The following DZIP1 variants were observed in gnomAD, a reference collection of about 807,000 sequenced individuals.
The protein encoded by DZIP1 is DAZ interacting zinc finger protein 1.
In DZIP1, 97 loss-of-function variants were observed where a neutral mutation model predicts 107.6. The ratio of observed to expected loss-of-function variants is 0.90; its 90% confidence interval spans 0.77 to 1.07. DZIP1 has a LOEUF of 1.07. DZIP1 is among the 50% of genes least tolerant of loss of function. The pLI is 0.00. For synonymous variants in DZIP1, 390 were observed against 386.4 expected, an observed-to-expected ratio of 1.01 and a Z score of -0.11; for missense variants, 1,035 against 1,063.6, an observed-to-expected ratio of 0.97 and a Z score of 0.37.
chr13:95,626,649 A>G (rs1438470419), intron 7 of DZIP1, among the ~76,000 whole-genome samples: 1 of 152,230 alleles, frequency 6.6e-6, no homozygotes, highest in Non-Finnish European at 1.5e-5. Flanking sequence ...AGAAACGACT[A>G]AAGTAATAAA....
intron 16 of DZIP1, among the ~76,000 whole-genome samples, chr13:95,591,670 T>C (rs2044316250): frequency 6.6e-6 from 1 of 152,194 alleles, no homozygotes; most frequent in Non-Finnish European, 1.5e-5. Context: ...ATAATCTAAA[T>C]TAGAGAGCTC....
Position 95,587,685 on chromosome 13 carries a change from AG to A in DZIP1, c.2071del (p.Leu691SerfsTer27). 1 of 1,614,062 alleles carries A rather than the reference AG, an allele frequency of 6.2e-7. No individual in the cohort carries two copies. Among genetic ancestry groups the A allele is most frequent in the Non-Finnish European group, 8.5e-7 (1 of 1,179,994 alleles). ...SSEEEQEDDD[L>X]IRAYASPGPL... is the part of the protein sequence containing the mutation. ...GCCTGGGGATGCGTATGCCCGGATG[AG>A]GTCGTCGTCCTCCTGCTCCTCCTCT... On this transcript the variant is annotated frameshift_variant, in exon 20 of 23. Transcript: ENST00000376829. LOFTEE classifies it high-confidence loss of function.
rs991946224 is a variant in DZIP1 at position 95,630,714 on chromosome 13, A to C, written c.686-601T>G. 3 of 1,255,708 alleles carry C rather than the reference A, an allele frequency of 2.4e-6. No individual in the cohort carries two copies. In the African/African-American group the frequency reaches 4.7e-5, roughly 20 times the overall value. 77.8% of individuals were successfully genotyped at this position (1,255,708 alleles called of 1,614,324 possible). On this transcript the variant is annotated intron_variant, in intron 6 of 22. Coordinates refer to ENST00000376829, the MANE Select transcript of DZIP1 (RefSeq NM_198968.4). ...AGAATACTTATGTACATGTACTTAC[A>C]TGCAGATGTACACATGACTGAATGG... is the stretch of plus-strand genomic sequence containing the variant.
At chr13:95,599,529 C>T (rs2044553353) in intron 14 of DZIP1, 105 bp from the exon 15 acceptor site, 3 of 1,027,830 alleles carry the variant, frequency 2.9e-6, no homozygotes, top group South Asian at 1.4e-5. Flanking sequence ...GTATTTTAGT[C>T]ATGCCTGAAT....
chr13:95,615,558 C>T (rs890870733), intron 10 of DZIP1, among the ~76,000 whole-genome samples: 6 of 152,186 alleles, frequency 3.9e-5, no homozygotes, highest in Non-Finnish European at 8.8e-5. Flanking sequence ...GAGCTGGCCA[C>T]CTGTACTTTG....
intron 17 of DZIP1, 49 bp from the exon 18 acceptor site, chr13:95,589,981 A>T (rs2044267516): frequency 3.1e-6 from 5 of 1,595,996 alleles, no homozygotes; most frequent in Non-Finnish European, 3.4e-6. Flanking sequence ...ATGATCAGTA[A>T]GTGAAAAGCA....
chr13:95,644,447 C>G lies in DZIP1; in HGVS notation c.-596G>C, dbSNP rs1362177769. 12 of 152,838 alleles carry G rather than the reference C, an allele frequency of 7.9e-5. No homozygotes were observed. The highest frequency in any genetic ancestry group is 2.9e-4 in the African/African-American group (12 of 41,454). 9.5% of individuals were successfully genotyped at this position (152,838 alleles called of 1,614,324 possible). A position where few individuals can be genotyped will look rare whatever the true frequency, so the allele number is the denominator to read the frequency against. On this transcript the variant is annotated 5_prime_UTR_variant, in exon 1 of 23. Coordinates refer to ENST00000376829, the MANE Select transcript of DZIP1 (RefSeq NM_198968.4). ...GGGGGCGACACAGGGGACCCAGACCCCAGGGTCGCTGCTGACGCGGGCCGG... is the reference window on the plus strand; with the variant it reads ...GGGGGCGACACAGGGGACCCAGACCGCAGGGTCGCTGCTGACGCGGGCCGG...
chr13:95,590,558 G>T, intron 16 of DZIP1, 117 bp from the exon 17 acceptor site: 2 of 1,082,216 alleles, frequency 1.8e-6, no homozygotes, highest in African/African-American at 1.6e-5. Flanking sequence ...CCAGTTGTGT[G>T]TAGAGGGTAA....
At chr13:95,636,712 G>A (rs541568277) in intron 5 of DZIP1, among the ~76,000 whole-genome samples, 3 of 152,064 alleles carry the variant, frequency 2.0e-5, no homozygotes, top group Non-Finnish European at 2.9e-5. Flanking sequence ...AGAGTACGGA[G>A]AACTAATGGA....
intron 5 of DZIP1, among the ~76,000 whole-genome samples, chr13:95,636,127 G>A (rs1017048473): frequency 2.7e-5 from 4 of 148,264 alleles, no homozygotes; most frequent in African/African-American, 1.0e-4. Context: ...CATAAGAGTA[G>A]CATACATTCT....
intron 22 of DZIP1, 42 bp downstream of exon 22, chr13:95,584,694 A>C (rs1389593559): frequency 1.3e-6 from 2 of 1,571,260 alleles, no homozygotes; most frequent in Non-Finnish European, 1.7e-6. Flanking sequence ...ACAACTAATA[A>C]GAAAATGGAT....
intron 8 of DZIP1, among the ~76,000 whole-genome samples, chr13:95,624,410 T>C (rs1286129195): frequency 1.3e-5 from 2 of 152,202 alleles, no homozygotes; most frequent in Admixed American, 1.3e-4. Flanking sequence ...GTTCTTAGCC[T>C]TTCTGGGTCT....
intron 15 of DZIP1, among the ~76,000 whole-genome samples, chr13:95,594,880 TA>T (rs33911437): frequency 0.9 from 135,240 of 150,842 alleles, 60,668 homozygotes; most frequent in Non-Finnish European, 0.91. Context: ...ATTCCCCACT[TA>T]AAAAAAAAAA....
intron 9 of DZIP1, among the ~76,000 whole-genome samples, chr13:95,621,826 T>A (rs1379127708): frequency 6.6e-6 from 1 of 151,864 alleles, no homozygotes; most frequent in Admixed American, 6.6e-5. Flanking sequence ...CAAGCAATTC[T>A]CCTGCCTCAG....
chr13:95,612,596 T>G (rs981422678), intron 10 of DZIP1, among the ~76,000 whole-genome samples: 4 of 152,282 alleles, frequency 2.6e-5, no homozygotes, highest in East Asian at 1.9e-4. Flanking sequence ...TGTTGTTGTT[T>G]TTTTTTGACA....
chr13:95,635,330 G>A (rs546275241), intron 5 of DZIP1, among the ~76,000 whole-genome samples: 3 of 151,736 alleles, frequency 2.0e-5, no homozygotes, highest in Admixed American at 2.0e-4. Context: ...CTGAGTAGCT[G>A]AGATTACAGG....
At chr13:95,623,839 T>C (rs1304389645) in intron 8 of DZIP1, among the ~76,000 whole-genome samples, 1 of 152,116 alleles carries the variant, frequency 6.6e-6, no homozygotes, top group Non-Finnish European at 1.5e-5. Flanking sequence ...CTCAGGAGGC[T>C]GAAGCACGAG....
chr13:95,618,343 A>C (rs1018556560), intron 10 of DZIP1, among the ~76,000 whole-genome samples: 1 of 152,182 alleles, frequency 6.6e-6, no homozygotes, highest in South Asian at 2.1e-4. Flanking sequence ...TCAGTGATAC[A>C]ATTTTCAATA....
At chr13:95,630,765 C>A in intron 6 of DZIP1, 1 of 1,286,884 alleles carries the variant, frequency 7.8e-7, no homozygotes, top group Non-Finnish European at 1.0e-6. Flanking sequence ...TGAGTGTAGA[C>A]ATGAAAGGTA....
Sources: gnomAD v4.1 joint callset for allele counts (sites outside exome capture counted in the v4.1 genomes callset) on GRCh38, gnomAD v4.1.1 for gene constraint, MANE v1.5 for transcripts, NCBI Gene and HGNC (gene_info 2026-07-23, HGNC 2026-07-21) for gene names.